Variants in SRCIN1 observed in about 807,000 individuals in gnomAD.
The protein encoded by SRCIN1 is SRC kinase signaling inhibitor 1.
In SRCIN1, 50 loss-of-function variants were observed where a neutral mutation model predicts 116.2. That is an observed-to-expected ratio of 0.43 (90% CI 0.34 to 0.54). SRCIN1 has a LOEUF of 0.54. Ranked by LOEUF, SRCIN1 falls within the 20% of genes least tolerant of loss-of-function variation. The probability of loss-of-function intolerance (pLI) is 0.02; values close to 1 mark genes in which losing one functional copy is unlikely to be tolerated. For synonymous variants in SRCIN1, 736 were observed against 750.0 expected (o/e 0.98, Z 0.30); for missense variants, 1,446 against 1,672.0 (o/e 0.86, Z 2.36).
intron 1 of SRCIN1, chr17:38,600,899 A>T (rs1908985774): frequency 6.6e-6 from 1 of 152,374 alleles, no homozygotes; most frequent in Admixed American, 6.5e-5. Context: ...TCACCTCCCC[A>T]GGGAATGCTC....
chr17:38,568,738 G>T lies in SRCIN1; in HGVS notation c.325-507C>A, dbSNP rs1006089068. Among the ~76,000 whole-genome samples the T allele has an allele frequency of 6.6e-6, 1 of 152,134 alleles. No individual in the cohort carries two copies. Among genetic ancestry groups the T allele is most frequent in the Non-Finnish European group, 1.5e-5 (1 of 68,038 alleles). On this transcript the variant is annotated intron_variant, in intron 2 of 18. Transcript: ENST00000617146. The surrounding 1 kb of genome is among the most constrained non-coding windows in gnomAD (Gnocchi z 4.5). ...AGTCCACATTGGCTGGGGCGCAGCT[G>T]GGAAAGTAGCAGATTAGGCTGCAAA...
At chr17:38,537,186 A>G (rs1159279870) in intron 18 of SRCIN1, among the ~76,000 whole-genome samples, 1 of 151,096 alleles carries the variant, frequency 6.6e-6, no homozygotes, top group African/African-American at 2.4e-5. Context: ...TCTCAAAAAA[A>G]AATTAAATAA....
At position 38,560,105 on chromosome 17, in the gene SRCIN1, A is replaced by G; in HGVS notation, c.1794-8T>C. The stretch of plus-strand genomic sequence containing the variant: ...GAGCCTTCAATCTTCTCGCTGTGGC[A>G]CAGGGAAAAAAGCCATCAGGGGGTC... On this transcript the variant is annotated splice_polypyrimidine_tract_variant and splice_region_variant and intron_variant, in intron 8 of 18. Transcript: ENST00000617146. 1 of 1,547,342 alleles carries G rather than the reference A, an allele frequency of 6.5e-7. No individual in the cohort carries two copies. Among genetic ancestry groups the G allele is most frequent in the Non-Finnish European group, 8.7e-7 (1 of 1,145,512 alleles).
chr17:38,578,440 TGCCCGCTGGCCGCG>T, intron 2 of SRCIN1, 36 bp downstream of exon 2: 1 of 1,508,034 alleles, frequency 6.6e-7, no homozygotes, highest in East Asian at 2.3e-5. Context: ...CCTCCTCCCC[TGCCCGCTGGCCGCG>T]GCCGCAGCCG....
At chr17:38,554,194 G>C (rs1597896336) in intron 11 of SRCIN1, among the ~76,000 whole-genome samples, 1 of 151,366 alleles carries the variant, frequency 6.6e-6, no homozygotes, top group African/African-American at 2.4e-5. Context: ...CTGGGGAACA[G>C]AGTGGGACTC....
Position 38,562,995 on chromosome 17 carries a change from G to T in SRCIN1, c.741-75C>A. On this transcript the variant is annotated intron_variant, in intron 5 of 18. Transcript: ENST00000617146. The surrounding 1 kb of genome is among the most constrained non-coding windows in gnomAD (Gnocchi z 4.2). ...CAATGAGAAGGGATGGCTACTCCAG[G>T]CCTAGAGAAGAGGGGTGGCCAGAGG... is the stretch of plus-strand genomic sequence containing the variant. 1.6e-6 allele frequency: 2 copies of T among 1,279,178 alleles called. No homozygotes were observed. Among genetic ancestry groups the T allele is most frequent in the South Asian group, 1.3e-5 (1 of 79,390 alleles). 79.2% of individuals were successfully genotyped at this position (1,279,178 alleles called of 1,614,324 possible).
At chr17:38,554,938 A>C (rs1288505908) in intron 11 of SRCIN1, among the ~76,000 whole-genome samples, 3 of 152,240 alleles carry the variant, frequency 2.0e-5, no homozygotes, top group African/African-American at 7.2e-5. Context: ...GTCATCAGCA[A>C]ATCTTATCAG....
At position 38,602,221 on chromosome 17, in the gene SRCIN1, T is replaced by C. The variant is rs950484292; in HGVS notation, c.22+3463A>G. On this transcript the variant is annotated intron_variant, in intron 1 of 18. Transcript: ENST00000617146. The surrounding 1 kb of genome is among the most constrained non-coding windows in gnomAD (Gnocchi z 4.2). ...TTCACTGCCTCCCTCCCTTCCTCCC[T>C]CGGGGCAGGCACTGCTTCCCAGCCA... 6.6e-6 allele frequency: 1 copy of C among 151,666 alleles called. No individual in the cohort carries two copies. Among genetic ancestry groups the C allele is most frequent in the African/African-American group, 2.4e-5 (1 of 41,176 alleles). 9.4% of individuals were successfully genotyped at this position (151,666 alleles called of 1,614,324 possible). A position where few individuals can be genotyped will look rare whatever the true frequency, so the allele number is the denominator to read the frequency against.
Position 38,561,697 on chromosome 17 carries a change from G to A in SRCIN1, c.1466C>T (p.Pro489Leu). 16 of 1,547,120 alleles carry A rather than the reference G, an allele frequency of 1.0e-5. No homozygotes were observed. Among genetic ancestry groups the A allele is most frequent in the Non-Finnish European group, 1.3e-5 (15 of 1,151,194 alleles). The change falls in exon 7 of 19, where the codon CCG becomes CTG. Residue 489 changes from proline (P) to leucine (L), a missense_variant. Around this residue, in one of 5 missense-constraint regions of SRCIN1, gnomAD observed 398 missense variants for 385.6 expected, o/e 1.03. Coordinates refer to ENST00000617146, the MANE Select transcript of SRCIN1 (RefSeq NM_025248.3). ...ADVAAPPGGP[P>L]PPHSPYSGPP... is the part of the protein sequence containing the mutation. The stretch of plus-strand genomic sequence containing the variant: ...CCCCGAGTAGGGGCTGTGCGGTGGC[G>A]GGGGACCTCCGGGGGGTGCTGCCAC...
chr17:38,561,418 G>A, intron 7 of SRCIN1, 45 bp downstream of exon 7: 2 of 1,451,902 alleles, frequency 1.4e-6, no homozygotes, highest in Middle Eastern at 2.0e-4. Context: ...TCTCCGCAGC[G>A]CACCCCCCAC....
intron 3 of SRCIN1, among the ~76,000 whole-genome samples, chr17:38,567,708 T>C (rs1391806407): frequency 6.6e-6 from 1 of 152,068 alleles, no homozygotes; most frequent in Non-Finnish European, 1.5e-5. Flanking sequence ...AGCCCTCCAC[T>C]TAGACAACAG....
chr17:38,552,217 G>T lies in SRCIN1; in HGVS notation c.2481-85C>A. On this transcript the variant is annotated intron_variant, in intron 13 of 18. Coordinates refer to ENST00000617146, the MANE Select transcript of SRCIN1 (RefSeq NM_025248.3). The surrounding 1 kb of genome is among the most constrained non-coding windows in gnomAD (Gnocchi z 5.3). ...AAGGCTGCTCTGAGGGAGGTGGGGTGGGAGGCAGGCTCTGGGATGCTGTGG... is the reference window on the plus strand; with the variant it reads ...AAGGCTGCTCTGAGGGAGGTGGGGTTGGAGGCAGGCTCTGGGATGCTGTGG... The T allele has an allele frequency of 2.6e-6, 4 of 1,539,838 alleles. No individual in the cohort carries two copies. Among genetic ancestry groups the T allele is most frequent in the Middle Eastern group, 2.2e-4 (1 of 4,626 alleles).
chr17:38,588,628 C>T (rs3859196), intron 1 of SRCIN1, among the ~76,000 whole-genome samples: 3,352 of 152,276 alleles, frequency 0.022, 131 homozygotes, highest in East Asian at 0.082. Context: ...CTGAGTGCTG[C>T]GCCCCTCTGT....
In SRCIN1 at chr17:38,544,372, C is replaced by G. The variant is rs1386499859; in HGVS notation, c.3271-403G>C. 6.6e-6 allele frequency among the ~76,000 whole-genome samples: 1 copy of G among 152,142 alleles called. No homozygotes were observed. The highest frequency in any genetic ancestry group is 1.5e-5 in the Non-Finnish European group (1 of 67,998). ...CAGCAAGGGGCTCTCTATAATGGCACACAGAGCAGAGGGGCAGCCCCAGGC... is the reference window on the plus strand; with the variant it reads ...CAGCAAGGGGCTCTCTATAATGGCAGACAGAGCAGAGGGGCAGCCCCAGGC... On this transcript the variant is annotated intron_variant, in intron 17 of 18. Transcript: ENST00000617146. The surrounding 1 kb of genome is among the most constrained non-coding windows in gnomAD (Gnocchi z 4.5).
At chr17:38,543,594 G>A (rs1904883681) in intron 18 of SRCIN1, among the ~76,000 whole-genome samples, 1 of 152,152 alleles carries the variant, frequency 6.6e-6, no homozygotes, top group African/African-American at 2.4e-5. Context: ...GAGAGGGGAG[G>A]TGCCTGGTTG....
chr17:38,551,614 C>T (rs1905416586), intron 14 of SRCIN1: 1 of 649,082 alleles, frequency 1.5e-6, no homozygotes, highest in African/African-American at 1.8e-5. Context: ...AAACTTAGAT[C>T]TATTTCTGGG....
At chr17:38,606,514 C>T (rs932276822), upstream of SRCIN1, among the ~76,000 whole-genome samples, 1 of 152,140 alleles carries the variant, frequency 6.6e-6, no homozygotes, top group African/African-American at 2.4e-5. This position sits in a 1 kb window ranked among gnomAD's most constrained non-coding sequence, Gnocchi z 5.2. Flanking sequence ...CTCCCCGGCG[C>T]CCCCTGCTGG....
chr17:38,565,301 G>A (rs1256554744), intron 3 of SRCIN1, among the ~76,000 whole-genome samples: 1 of 152,054 alleles, frequency 6.6e-6, no homozygotes, highest in Non-Finnish European at 1.5e-5. Context: ...CTGGTACAAG[G>A]AGTGAGATAA....
intron 1 of SRCIN1, among the ~76,000 whole-genome samples, chr17:38,592,799 C>T (rs1461556613): frequency 1.3e-5 from 2 of 151,642 alleles, no homozygotes; most frequent in African/African-American, 4.9e-5. Flanking sequence ...CACACTGTGG[C>T]TACACTGAAG....
Sources: allele counts gnomAD v4.1 joint callset (sites outside exome capture counted in the v4.1 genomes callset), GRCh38; gene constraint gnomAD v4.1.1; regional missense constraint gnomAD v4.1.1; non-coding constraint Gnocchi (gnomAD v3.1); transcripts MANE v1.5; gene names NCBI Gene and HGNC (gene_info 2026-07-23, HGNC 2026-07-21).